The following HS3ST3B1 variants were observed in gnomAD, a reference collection of about 807,000 sequenced individuals.
HS3ST3B1 encodes heparan sulfate glucosamine 3-O-sulfotransferase 3B1.
Under a neutral mutation model 21.3 loss-of-function variants are expected in HS3ST3B1, and 13 were observed. That is an observed-to-expected ratio of 0.61 (90% CI 0.40 to 0.97). The LOEUF (loss-of-function observed/expected upper bound fraction) is 0.97. HS3ST3B1 is among the 50% of genes least tolerant of loss of function. The probability of loss-of-function intolerance (pLI) is 0.00; values close to 1 mark genes in which losing one functional copy is unlikely to be tolerated. For missense variants in HS3ST3B1, 459 were observed against 554.8 expected (o/e 0.83, Z 1.73); for synonymous variants, 234 against 254.8 (o/e 0.92, Z 0.78).
At chr17:14,335,618 G>A (rs1567642926) in intron 1 of HS3ST3B1, among the ~76,000 whole-genome samples, 1 of 151,804 alleles carries the variant, frequency 6.6e-6, no homozygotes, top group Admixed American at 6.6e-5. Context: ...TGCTTGAACC[G>A]AGGAGGCGGA....
At position 14,345,601 on chromosome 17, in the gene HS3ST3B1, C is replaced by T; in HGVS notation, c.1128C>T (p.Asn376=). 6.2e-7 allele frequency: 1 copy of T among 1,610,734 alleles called. No individual in the cohort carries two copies. Among genetic ancestry groups the T allele is most frequent in the Non-Finnish European group, 8.5e-7 (1 of 1,178,250 alleles). The part of the protein sequence containing the change: ...RRLREFYRPF[N]LKFYQMTGHD... ...TGCGCGAGTTCTACCGGCCTTTCAA[C>T]CTCAAGTTCTACCAGATGACCGGGC... The change falls in exon 2 of 2, where the codon AAC becomes AAT. Residue 376 remains asparagine, a synonymous_variant. Coordinates refer to ENST00000360954, the MANE Select transcript of HS3ST3B1 (RefSeq NM_006041.3).
intron 1 of HS3ST3B1, among the ~76,000 whole-genome samples, chr17:14,337,482 C>T (rs1449450806): frequency 6.7e-6 from 1 of 149,880 alleles, no homozygotes; most frequent in Non-Finnish European, 1.5e-5. Context: ...AGCCCGCCAT[C>T]ATGCCTGGCT....
intron 1 of HS3ST3B1, among the ~76,000 whole-genome samples, chr17:14,332,045 T>C (rs66553398): frequency 0.08 from 12,116 of 152,184 alleles, 644 homozygotes; most frequent in East Asian, 0.15. Flanking sequence ...TGTCCCCATG[T>C]CTATGTTAAG....
chr17:14,329,475 AAAAAGAAAGAAG>A (rs1167108856), intron 1 of HS3ST3B1: 4 of 151,626 alleles, frequency 2.6e-5, no homozygotes, highest in Non-Finnish European at 4.4e-5. Flanking sequence ...AGAAAGAAAG[AAAAAGAAAGAAG>A]AAAAGAAAGA....
At chr17:14,309,646 C>G (rs1909244747) in intron 1 of HS3ST3B1, among the ~76,000 whole-genome samples, 1 of 152,222 alleles carries the variant, frequency 6.6e-6, no homozygotes, top group South Asian at 2.1e-4. Context: ...CTTCGCTTTC[C>G]AAGTCGAGCC....
intron 1 of HS3ST3B1, chr17:14,327,269 A>G (rs1909848482): frequency 6.6e-6 from 1 of 152,272 alleles, no homozygotes; most frequent in African/African-American, 2.4e-5. Context: ...AAGGCAAAAT[A>G]ATAAGTAATA....
intron 1 of HS3ST3B1, among the ~76,000 whole-genome samples, chr17:14,324,373 G>C (rs73255288): frequency 0.029 from 4,381 of 152,158 alleles, 219 homozygotes; most frequent in African/African-American, 0.1. Flanking sequence ...CATCTAACCT[G>C]TCAGTGGCTT....
intron 1 of HS3ST3B1, among the ~76,000 whole-genome samples, chr17:14,316,880 C>T (rs1256277928): frequency 6.6e-6 from 1 of 152,204 alleles, no homozygotes; most frequent in African/African-American, 2.4e-5. Flanking sequence ...TTGTATAAAA[C>T]TAAAGTTACA....
At chr17:14,308,696 A>G (rs979415464) in intron 1 of HS3ST3B1, among the ~76,000 whole-genome samples, 1 of 152,376 alleles carries the variant, frequency 6.6e-6, no homozygotes, top group East Asian at 1.9e-4. Flanking sequence ...ATGTGAAAAA[A>G]TAAGACTCTG....
intron 1 of HS3ST3B1, among the ~76,000 whole-genome samples, chr17:14,332,829 C>CTTTTTT (rs71147859): frequency 2.0e-4 from 18 of 91,030 alleles, no homozygotes; most frequent in Non-Finnish European, 3.3e-4. Flanking sequence ...GACCTTTTAT[C>CTTTTTT]TTTTTTTTTT....
chr17:14,335,245 G>A (rs1189657581), intron 1 of HS3ST3B1, among the ~76,000 whole-genome samples: 1 of 152,120 alleles, frequency 6.6e-6, no homozygotes, highest in Non-Finnish European at 1.5e-5. Context: ...ATCAGAATGG[G>A]CAAAACCTCT....
At chr17:14,310,816 A>C (rs909226467) in intron 1 of HS3ST3B1, among the ~76,000 whole-genome samples, 6 of 152,202 alleles carry the variant, frequency 3.9e-5, no homozygotes, top group East Asian at 3.9e-4. Context: ...GCCTGCGGGC[A>C]CTTAGCATAT....
Position 14,349,012 on chromosome 17 carries a change from A to AT in HS3ST3B1, c.*3371dup, listed in dbSNP as rs1910652185. 6.6e-6 allele frequency: 1 copy of AT among 152,216 alleles called. No individual in the cohort carries two copies. The highest frequency in any genetic ancestry group is 6.5e-5 in the Admixed American group (1 of 15,284). The allele number at this position is 152,216 out of a possible 1,614,324, so 9.4% of individuals were successfully genotyped here. ...AAACAGTTTCAGATCCTGCCAGGAT[A>AT]TTTTTGTAAAAAAGGAAAATGGAAG... On this transcript the variant is annotated 3_prime_UTR_variant, in exon 2 of 2. Transcript: ENST00000360954.
chr17:14,328,927 G>A (rs1418250374), intron 1 of HS3ST3B1: 2 of 152,168 alleles, frequency 1.3e-5, no homozygotes, highest in African/African-American at 2.4e-5. Context: ...CTATGATAAC[G>A]GGGGTTTATT....
At position 14,301,411 on chromosome 17, in the gene HS3ST3B1, G is replaced by C; in HGVS notation, c.-108G>C. 3 of 1,050,096 alleles carry C rather than the reference G, an allele frequency of 2.9e-6. No individual in the cohort carries two copies. The highest frequency in any genetic ancestry group is 2.5e-6 in the Non-Finnish European group (2 of 790,120). 65.0% of individuals were successfully genotyped at this position (1,050,096 alleles called of 1,614,324 possible). ...CGCGGGCACACGGGGGCAATAAACC[G>C]AGCCACCCGGGCGTCCAGCGTGCCG... is the stretch of plus-strand genomic sequence containing the variant. On this transcript the variant is annotated 5_prime_UTR_variant, in exon 1 of 2. Coordinates refer to ENST00000360954, the MANE Select transcript of HS3ST3B1 (RefSeq NM_006041.3).
intron 1 of HS3ST3B1, among the ~76,000 whole-genome samples, chr17:14,319,735 AGG>A (rs1356633593): frequency 2.6e-5 from 4 of 152,108 alleles, no homozygotes; most frequent in African/African-American, 9.7e-5. Flanking sequence ...TTTGTGGGAG[AGG>A]ATGATGGGAG....
At chr17:14,340,570 T>C (rs1273040331) in intron 1 of HS3ST3B1, among the ~76,000 whole-genome samples, 1 of 152,084 alleles carries the variant, frequency 6.6e-6, no homozygotes, top group East Asian at 1.9e-4. Flanking sequence ...TTAACAAGCG[T>C]GATTAATTAC....
rs1275550654 is a variant in HS3ST3B1, at chr17:14,346,237, C to CT, written c.*600dup. The CT allele has an allele frequency of 6.3e-5, 6 of 95,928 alleles. No individual in the cohort carries two copies. The highest frequency in any genetic ancestry group is 4.1e-4 in the South Asian group (1 of 2,446). 5.9% of individuals were successfully genotyped at this position (95,928 alleles called of 1,614,324 possible). A position where few individuals can be genotyped will look rare whatever the true frequency, so the allele number is the denominator to read the frequency against. ...CTCCCTTTACAGGGACATCCACATC[C>CT]TTTTTTTTTCTTTTTTTTTTTTTTT... is the stretch of plus-strand genomic sequence containing the variant. On this transcript the variant is annotated 3_prime_UTR_variant, in exon 2 of 2. Coordinates refer to ENST00000360954, the MANE Select transcript of HS3ST3B1 (RefSeq NM_006041.3).
chr17:14,319,232 C>T (rs1479275249), intron 1 of HS3ST3B1, among the ~76,000 whole-genome samples: 2 of 152,200 alleles, frequency 1.3e-5, no homozygotes, highest in Non-Finnish European at 2.9e-5. Flanking sequence ...TTTCTAGCAG[C>T]TTGTCAATTA....
Sources: allele counts gnomAD v4.1 joint callset (sites outside exome capture counted in the v4.1 genomes callset), GRCh38; gene constraint gnomAD v4.1.1; transcripts MANE v1.5; gene names NCBI Gene and HGNC (gene_info 2026-07-23, HGNC 2026-07-21).